TBC1D32: variants seen among roughly 807,000 people sequenced by gnomAD.
TBC1D32 encodes protein broad-minded.
In TBC1D32, 151 loss-of-function variants were observed where a neutral mutation model predicts 170.3. The ratio of observed to expected loss-of-function variants is 0.89; its 90% confidence interval spans 0.78 to 1.01. TBC1D32 has a LOEUF of 1.01. Among genes scored for constraint, TBC1D32 ranks in the 50% least tolerant of loss-of-function variants. The pLI is 0.00. For missense variants in TBC1D32, 1,464 were observed against 1,457.1 expected (o/e 1.00, Z -0.08); for synonymous variants, 498 against 488.0 (o/e 1.02, Z -0.27).
intron 21 of TBC1D32, among the ~76,000 whole-genome samples, chr6:121,217,042 G>A (rs927365482): frequency 8.5e-5 from 13 of 152,228 alleles, no homozygotes; most frequent in African/African-American, 3.1e-4. Flanking sequence ...ATGCAGGGAT[G>A]AGGATTCCTA....
At chr6:121,101,831 A>G (rs1474873385) in intron 30 of TBC1D32, among the ~76,000 whole-genome samples, 1 of 152,186 alleles carries the variant, frequency 6.6e-6, no homozygotes, top group Non-Finnish European at 1.5e-5. Flanking sequence ...TTGTATATTT[A>G]GAAAACCCCA....
At chr6:121,187,132 A>G (rs1311411148) in intron 22 of TBC1D32, among the ~76,000 whole-genome samples, 2 of 151,320 alleles carry the variant, frequency 1.3e-5, no homozygotes, top group Non-Finnish European at 2.9e-5. Context: ...TAATCATAAT[A>G]TATCTTTGAA....
At chr6:121,182,709 A>C (rs1788693785) in intron 22 of TBC1D32, among the ~76,000 whole-genome samples, 1 of 152,028 alleles carries the variant, frequency 6.6e-6, no homozygotes, top group Non-Finnish European at 1.5e-5. Flanking sequence ...AAATTACCAG[A>C]AAAATACATC....
chr6:121,161,474 T>A (rs2455056), intron 22 of TBC1D32, among the ~76,000 whole-genome samples: 25,792 of 152,168 alleles, frequency 0.17, 2,825 homozygotes, highest in African/African-American at 0.28. Context: ...ATTCCTATAT[T>A]AATTTGCTGA....
intron 17 of TBC1D32, among the ~76,000 whole-genome samples, chr6:121,244,336 C>T (rs942223401): frequency 7.9e-5 from 12 of 151,880 alleles, no homozygotes; most frequent in African/African-American, 2.9e-4. Context: ...GTGAGTCCTC[C>T]CAAAGAAAAC....
At position 121,199,495 on chromosome 6, in the gene TBC1D32, A is replaced by G. The variant is rs1020703508; in HGVS notation, c.2570+5580T>C. On this transcript the variant is annotated intron_variant, in intron 22 of 31. Transcript: ENST00000398212. The stretch of plus-strand genomic sequence containing the variant: ...AGTGTTGCTTTCTCCTTTTGTTTTC[A>G]GCATTCTTGAATTTTTCTATGTAAA... Among the ~76,000 whole-genome samples the G allele has an allele frequency of 3.3e-5, 5 of 151,334 alleles. No homozygotes were observed. The East Asian group carries it at 9.6e-4, about 29-fold the overall frequency.
chr6:121,250,760 T>A (rs926440133), intron 17 of TBC1D32, among the ~76,000 whole-genome samples: 1 of 151,952 alleles, frequency 6.6e-6, no homozygotes, highest in African/African-American at 2.4e-5. Flanking sequence ...GAGAAAGAAA[T>A]AAAAGGTATT....
chr6:121,234,861 T>C (rs908504725), intron 20 of TBC1D32, among the ~76,000 whole-genome samples: 1 of 152,144 alleles, frequency 6.6e-6, no homozygotes, highest in Non-Finnish European at 1.5e-5. Flanking sequence ...AGGGAAGATG[T>C]GGGATTCAAG....
At chr6:121,305,911 T>G (rs1189393273) in intron 5 of TBC1D32, among the ~76,000 whole-genome samples, 1 of 152,162 alleles carries the variant, frequency 6.6e-6, no homozygotes, top group African/African-American at 2.4e-5. Context: ...TCCAATTTTA[T>G]TAGCGTAAGT....
chr6:121,094,184 T>C (rs1777136640), intron 30 of TBC1D32, among the ~76,000 whole-genome samples: 1 of 151,954 alleles, frequency 6.6e-6, no homozygotes, highest in Admixed American at 6.6e-5. Flanking sequence ...GTATTTTTTT[T>C]TTTGAGACAG....
At chr6:121,223,167 T>C in intron 21 of TBC1D32, 69 bp downstream of exon 21, 1 of 1,024,730 alleles carries the variant, frequency 9.8e-7, no homozygotes, top group Non-Finnish European at 1.4e-6. Context: ...TTTGGTCAAA[T>C]TACCTTTTTA....
chr6:121,177,031 A>T (rs76649089), intron 22 of TBC1D32, among the ~76,000 whole-genome samples: 1 of 149,358 alleles, frequency 6.7e-6, no homozygotes, highest in Non-Finnish European at 1.5e-5. Context: ...TGAATATGTC[A>T]TTTTTTTTTT....
intron 15 of TBC1D32, among the ~76,000 whole-genome samples, chr6:121,257,228 C>T (rs1007663688): frequency 6.6e-6 from 1 of 151,996 alleles, no homozygotes; most frequent in Non-Finnish European, 1.5e-5. Flanking sequence ...AGTTTAACTT[C>T]TTTTGTTTCG....
intron 20 of TBC1D32, among the ~76,000 whole-genome samples, chr6:121,228,721 T>G (rs1795354845): frequency 6.6e-6 from 1 of 152,238 alleles, no homozygotes; most frequent in South Asian, 2.1e-4. Flanking sequence ...GCGTATTCTG[T>G]AGTCACCGAG....
At chr6:121,149,309 G>A (rs1783897647) in intron 24 of TBC1D32, among the ~76,000 whole-genome samples, 2 of 152,116 alleles carry the variant, frequency 1.3e-5, no homozygotes, top group South Asian at 4.1e-4. Flanking sequence ...TGCTTTTGGT[G>A]TTTTAGTCAT....
intron 20 of TBC1D32, among the ~76,000 whole-genome samples, chr6:121,229,826 T>C (rs1795515141): frequency 6.6e-6 from 1 of 152,104 alleles, no homozygotes; most frequent in Non-Finnish European, 1.5e-5. Context: ...AATCCCTACA[T>C]GCCAAAGGAA....
chr6:121,152,567 T>C (rs1221767044), intron 24 of TBC1D32, among the ~76,000 whole-genome samples: 1 of 152,174 alleles, frequency 6.6e-6, no homozygotes, highest in Non-Finnish European at 1.5e-5. Flanking sequence ...TGGGGAAGGG[T>C]TCTCCTCGGT....
chr6:121,100,469 T>C (rs1777900185), intron 30 of TBC1D32, among the ~76,000 whole-genome samples: 1 of 151,966 alleles, frequency 6.6e-6, no homozygotes, highest in Non-Finnish European at 1.5e-5. Context: ...GGTGCATATA[T>C]ATTTAGGATA....
At chr6:121,300,403 C>T (rs141016130) in intron 9 of TBC1D32, among the ~76,000 whole-genome samples, 2,876 of 151,936 alleles carry the variant, frequency 0.019, 102 homozygotes, top group African/African-American at 0.066. Flanking sequence ...ACCGAGATTG[C>T]GCCACTGCAC....
Sources: allele counts gnomAD v4.1 joint callset (sites outside exome capture counted in the v4.1 genomes callset), GRCh38; gene constraint gnomAD v4.1.1; transcripts MANE v1.5; gene names NCBI Gene and HGNC (gene_info 2026-07-23, HGNC 2026-07-21).